The following DTD1 variants were observed in gnomAD, a reference collection of about 807,000 sequenced individuals.
DTD1 encodes the protein D-aminoacyl-tRNA deacylase 1, also known as D-tyrosyl-tRNA deacylase 1 homolog.
DTD1 carries 13 observed loss-of-function variants against 25.6 expected under a neutral mutation model. The ratio of observed to expected loss-of-function variants is 0.51; its 90% CI spans 0.33 to 0.81. The LOEUF (loss-of-function observed/expected upper bound fraction) is 0.81, where lower values mean the gene tolerates loss of function less well. DTD1 is among the 30% of genes least tolerant of loss of function. The pLI, the probability that DTD1 is intolerant of heterozygous loss-of-function variation, is 0.02. For synonymous variants in DTD1, 110 were observed against 103.6 expected (o/e 1.06, Z -0.37); for missense variants, 193 against 266.4 (o/e 0.72, Z 1.92).
intron 5 of DTD1, among the ~76,000 whole-genome samples, chr20:18,756,528 T>C (rs888594953): frequency 6.6e-6 from 1 of 152,226 alleles, no homozygotes; most frequent in Non-Finnish European, 1.5e-5. Flanking sequence ...AAATAGGAAA[T>C]CCTTTCCCCA....
intron 3 of DTD1, among the ~76,000 whole-genome samples, chr20:18,615,927 T>C (rs886206300): frequency 6.6e-6 from 1 of 152,226 alleles, no homozygotes; most frequent in African/African-American, 2.4e-5. Context: ...AGTTTTTGTT[T>C]TGTGCTTAGT....
At chr20:18,730,842 C>T (rs190181642) in intron 4 of DTD1, among the ~76,000 whole-genome samples, 3 of 152,124 alleles carry the variant, frequency 2.0e-5, no homozygotes, top group Admixed American at 1.3e-4. Flanking sequence ...TGAATATTTG[C>T]GTGTTTTGGA....
chr20:18,636,044 A>G (rs1480129789), intron 4 of DTD1, among the ~76,000 whole-genome samples: 1 of 152,164 alleles, frequency 6.6e-6, no homozygotes, highest in East Asian at 1.9e-4. Flanking sequence ...TCAGGACACT[A>G]ATGGGGTAGT....
intron 5 of DTD1, among the ~76,000 whole-genome samples, chr20:18,748,756 T>C (rs1487167827): frequency 6.6e-6 from 1 of 152,232 alleles, no homozygotes; most frequent in African/African-American, 2.4e-5. Context: ...ACTTCTTGCT[T>C]CTCTCACGTT....
chr20:18,647,608 A>G (rs2060855350), intron 4 of DTD1, among the ~76,000 whole-genome samples: 1 of 152,016 alleles, frequency 6.6e-6, no homozygotes, highest in Non-Finnish European at 1.5e-5. Flanking sequence ...GGGGAATGAA[A>G]GCAGGTGAGT....
rs1432934686 is a variant in DTD1 at position 18,603,890 on chromosome 20, C to T, written c.370+7649C>T. ...CTAGAAAAGCAAGAGCAAACACATT[C>T]AAAAGCTAGCAGAAGGCAAGAAATA... On this transcript the variant is annotated intron_variant, in intron 3 of 5. Transcript: ENST00000377452. 9.7e-5 allele frequency among the ~76,000 whole-genome samples: 2 copies of T among 20,644 alleles called. 1 individual carries two copies. The highest frequency in any genetic ancestry group is 3.5e-4 in the African/African-American group (2 of 5,758). 13.5% of individuals were successfully genotyped at this position (20,644 alleles called of 152,430 possible). A position where few individuals can be genotyped will look rare whatever the true frequency, so the allele number is the denominator to read the frequency against.
At chr20:18,645,940 G>A (rs1240874812) in intron 4 of DTD1, among the ~76,000 whole-genome samples, 1 of 152,238 alleles carries the variant, frequency 6.6e-6, no homozygotes, top group Admixed American at 6.5e-5. Flanking sequence ...TGTATAAATA[G>A]TAATTCCGAG....
chr20:18,612,516 G>A lies in DTD1; in HGVS notation c.371-15611G>A, dbSNP rs61565865. Among the ~76,000 whole-genome samples the A allele has an allele frequency of 2.4e-3, 369 of 152,216 alleles. 6 individuals carry two copies. Among genetic ancestry groups the A allele is most frequent in the Admixed American group, 0.02 (302 of 15,274 alleles). The stretch of plus-strand genomic sequence containing the variant: ...CATTCTGTAGGTGAGGTGCAGCACG[G>A]TAACCTATGGAAGGTCACTCAGCAC... On this transcript the variant is annotated intron_variant, in intron 3 of 5. Coordinates refer to ENST00000377452, the MANE Select transcript of DTD1 (RefSeq NM_080820.6).
chr20:18,620,438 C>T (rs996983998), intron 3 of DTD1, among the ~76,000 whole-genome samples: 26 of 152,192 alleles, frequency 1.7e-4, no homozygotes, highest in African/African-American at 5.8e-4. Flanking sequence ...TTGGTGGCAA[C>T]GCCAGCCTTC....
At chr20:18,640,893 A>G (rs531956222) in intron 4 of DTD1, among the ~76,000 whole-genome samples, 2 of 152,142 alleles carry the variant, frequency 1.3e-5, no homozygotes, top group Admixed American at 1.3e-4. Context: ...GGCCTCCCAA[A>G]GTGCTGGGAT....
At chr20:18,606,690 A>T (rs1216908693) in intron 3 of DTD1, among the ~76,000 whole-genome samples, 1 of 131,296 alleles carries the variant, frequency 7.6e-6, no homozygotes, top group Non-Finnish European at 1.7e-5. Flanking sequence ...AAAAAACCAA[A>T]CACCGCATGT....
At chr20:18,607,447 C>G (rs2060664863) in intron 3 of DTD1, among the ~76,000 whole-genome samples, 1 of 152,204 alleles carries the variant, frequency 6.6e-6, no homozygotes, top group Non-Finnish European at 1.5e-5. Flanking sequence ...GCATGAGCCA[C>G]TGCGCCCGGC....
intron 3 of DTD1, among the ~76,000 whole-genome samples, chr20:18,621,392 C>T (rs1185152990): frequency 1.3e-5 from 2 of 152,118 alleles, no homozygotes; most frequent in Non-Finnish European, 2.9e-5. Flanking sequence ...TTTTCTCTGT[C>T]AAGTTACTGT....
intron 3 of DTD1, among the ~76,000 whole-genome samples, chr20:18,616,018 G>A (rs543904426): frequency 6.5e-4 from 99 of 152,284 alleles, no homozygotes; most frequent in Non-Finnish European, 1.1e-3. Context: ...AACTTTCAGT[G>A]GAAGCCTGTT....
chr20:18,673,718 A>G (rs1168683635), intron 4 of DTD1, among the ~76,000 whole-genome samples: 3 of 152,142 alleles, frequency 2.0e-5, no homozygotes, highest in African/African-American at 7.2e-5. Context: ...ACCAGTCCTC[A>G]GAGAGGTAGT....
intron 4 of DTD1, among the ~76,000 whole-genome samples, chr20:18,648,149 G>A (rs1161056627): frequency 6.6e-6 from 1 of 152,200 alleles, no homozygotes; most frequent in Non-Finnish European, 1.5e-5. Context: ...GGTATAGGAA[G>A]CTGGTGCAGT....
chr20:18,711,850 G>A (rs2061159875), intron 4 of DTD1, among the ~76,000 whole-genome samples: 1 of 151,278 alleles, frequency 6.6e-6, no homozygotes, highest in African/African-American at 2.4e-5. Context: ...TTGAGACCAG[G>A]CTGGCCAACA....
chr20:18,687,960 A>G (rs1466142214), intron 4 of DTD1, among the ~76,000 whole-genome samples: 2 of 152,356 alleles, frequency 1.3e-5, no homozygotes, highest in Non-Finnish European at 1.5e-5. Context: ...TAAGCAAGGT[A>G]TCATCGCATC....
At chr20:18,757,328 G>A (rs6075419) in intron 5 of DTD1, among the ~76,000 whole-genome samples, 19,557 of 152,230 alleles carry the variant, frequency 0.13, 1,617 homozygotes, top group South Asian at 0.18. Context: ...AGTGGTGAGA[G>A]AGGGCATCCC....
Sources: gnomAD v4.1 joint callset for allele counts (sites outside exome capture counted in the v4.1 genomes callset) on GRCh38, gnomAD v4.1.1 for gene constraint, MANE v1.5 for transcripts, NCBI Gene and HGNC (gene_info 2026-07-23, HGNC 2026-07-21) for gene names.